Variants in AGBL4 observed in about 807,000 individuals in gnomAD.
The protein encoded by AGBL4 is AGBL carboxypeptidase 4, also known as cytosolic carboxypeptidase 6.
A neutral mutation model predicts 66.4 loss-of-function variants in AGBL4; 58 were observed. The ratio of observed to expected loss-of-function variants is 0.87; its 90% CI spans 0.71 to 1.09. The LOEUF (loss-of-function observed/expected upper bound fraction) is 1.09. Among genes scored for constraint, AGBL4 ranks in the 50% least tolerant of loss-of-function variants. The pLI, the probability that AGBL4 is intolerant of heterozygous loss-of-function variation, is 0.00. For missense variants in AGBL4, 579 were observed against 631.0 expected (o/e 0.92, Z 0.88); for synonymous variants, 234 against 222.9 (o/e 1.05, Z -0.44).
chr1:48,821,637 T>C (rs1376472661), intron 6 of AGBL4, among the ~76,000 whole-genome samples: 1 of 152,068 alleles, frequency 6.6e-6, no homozygotes, highest in Non-Finnish European at 1.5e-5. Flanking sequence ...AATGACCTGT[T>C]GGGGACAACA....
At chr1:49,814,825 G>T (rs991055302) in intron 2 of AGBL4, among the ~76,000 whole-genome samples, 5 of 152,082 alleles carry the variant, frequency 3.3e-5, no homozygotes, top group African/African-American at 1.2e-4. Context: ...TCAAAATTCT[G>T]CATAGAAACA....
At chr1:49,102,913 AAG>A (rs1189072993) in intron 4 of AGBL4, among the ~76,000 whole-genome samples, 3 of 152,278 alleles carry the variant, frequency 2.0e-5, no homozygotes, top group South Asian at 2.1e-4. Context: ...CTGAAGGACA[AAG>A]AGAGATTTTT....
chr1:48,944,573 C>T (rs1656297701), intron 5 of AGBL4, among the ~76,000 whole-genome samples: 1 of 152,068 alleles, frequency 6.6e-6, no homozygotes, highest in Admixed American at 6.5e-5. Context: ...CAAGTAGCAA[C>T]TAATAGATAC....
intron 6 of AGBL4, among the ~76,000 whole-genome samples, chr1:48,761,985 C>T (rs1644277231): frequency 6.6e-6 from 1 of 152,134 alleles, no homozygotes; most frequent in Admixed American, 6.5e-5. Context: ...TGACATAAGG[C>T]AGGCTGAGGT....
chr1:49,833,033 A>G (rs1460756228), intron 2 of AGBL4, among the ~76,000 whole-genome samples: 3 of 151,810 alleles, frequency 2.0e-5, no homozygotes, highest in African/African-American at 7.3e-5. Flanking sequence ...TTTTGTTGCC[A>G]TTGCTTTTGG....
chr1:48,849,695 G>A (rs1030545698), intron 6 of AGBL4, among the ~76,000 whole-genome samples: 28 of 152,294 alleles, frequency 1.8e-4, no homozygotes, highest in African/African-American at 6.5e-4. Flanking sequence ...TTTTGAGACT[G>A]GGGGCGGTGG....
chr1:48,990,132 A>G (rs1393277680), intron 5 of AGBL4, among the ~76,000 whole-genome samples: 1 of 152,142 alleles, frequency 6.6e-6, no homozygotes, highest in Non-Finnish European at 1.5e-5. Context: ...CTAATAATCA[A>G]TGATGTTGAG....
At chr1:49,988,069 C>CT (rs1445119022) in intron 1 of AGBL4, among the ~76,000 whole-genome samples, 1 of 151,872 alleles carries the variant, frequency 6.6e-6, no homozygotes, top group Admixed American at 6.6e-5. Context: ...AAGTATAATC[C>CT]TTTGCTATAT....
chr1:48,841,668 G>C (rs1646806197), intron 6 of AGBL4, among the ~76,000 whole-genome samples: 1 of 151,858 alleles, frequency 6.6e-6, no homozygotes, highest in South Asian at 2.1e-4. Flanking sequence ...GGCAAAAAGG[G>C]GCCTCCATAA....
intron 11 of AGBL4, among the ~76,000 whole-genome samples, chr1:48,542,149 T>C (rs1644083477): frequency 1.3e-5 from 2 of 152,236 alleles, no homozygotes; most frequent in Non-Finnish European, 1.5e-5. Flanking sequence ...GCTTCATCCA[T>C]GTCCCTGCAA....
Position 49,996,220 on chromosome 1 carries a change from T to A in AGBL4, c.34+27543A>T, listed in dbSNP as rs1478926237. On this transcript the variant is annotated intron_variant, in intron 1 of 13. Transcript: ENST00000371839. ...AATGGATCAAAACCAAGAAAAAAAATCTCTGAATTGCCGGAAAAAGAATCA... is the reference window on the plus strand; with the variant it reads ...AATGGATCAAAACCAAGAAAAAAAAACTCTGAATTGCCGGAAAAAGAATCA... The A allele has an allele frequency of 4.0e-5, 6 of 151,316 alleles. No homozygotes were observed. The East Asian group carries it at 1.2e-3, about 29-fold the overall frequency. 9.4% of individuals were successfully genotyped at this position (151,316 alleles called of 1,614,324 possible).
chr1:48,633,688 T>C (rs1172904183), intron 9 of AGBL4, among the ~76,000 whole-genome samples: 2 of 152,192 alleles, frequency 1.3e-5, no homozygotes, highest in African/African-American at 4.8e-5. Context: ...GTCCCCCCAT[T>C]CTGCGATAGC....
At chr1:48,877,544 T>G (rs1352316980) in intron 5 of AGBL4, among the ~76,000 whole-genome samples, 1 of 152,010 alleles carries the variant, frequency 6.6e-6, no homozygotes, top group Non-Finnish European at 1.5e-5. Flanking sequence ...AAAAAAAGAA[T>G]TTGAAGATCT....
chr1:49,975,134 G>A (rs988442608), intron 1 of AGBL4, among the ~76,000 whole-genome samples: 1 of 152,052 alleles, frequency 6.6e-6, no homozygotes, highest in African/African-American at 2.4e-5. Flanking sequence ...CTATTCTAAA[G>A]CATATTTACA....
At chr1:48,875,710 C>T (rs1193065427) in intron 5 of AGBL4, among the ~76,000 whole-genome samples, 1 of 152,308 alleles carries the variant, frequency 6.6e-6, no homozygotes, top group African/African-American at 2.4e-5. Context: ...ACTGCAAAGA[C>T]AATTTGCAAG....
intron 4 of AGBL4, among the ~76,000 whole-genome samples, chr1:49,170,045 T>C (rs1269700533): frequency 1.3e-5 from 2 of 151,796 alleles, no homozygotes. Flanking sequence ...TGTACACAAC[T>C]CACGTGATGG....
intron 1 of AGBL4, among the ~76,000 whole-genome samples, chr1:50,023,360 G>A (rs1052095628): frequency 5.9e-5 from 9 of 151,860 alleles, no homozygotes; most frequent in African/African-American, 1.7e-4. Context: ...CTCCCACCCC[G>A]AGCCCAAATC....
intron 4 of AGBL4, among the ~76,000 whole-genome samples, chr1:49,067,744 G>A (rs1281363617): frequency 6.6e-6 from 1 of 151,462 alleles, no homozygotes; most frequent in African/African-American, 2.4e-5. Flanking sequence ...TCCTTCATAG[G>A]CTCACTTTAT....
chr1:48,807,519 T>A (rs983005960), intron 6 of AGBL4, among the ~76,000 whole-genome samples: 11 of 152,128 alleles, frequency 7.2e-5, no homozygotes, highest in Non-Finnish European at 1.5e-5. Flanking sequence ...TGCACGAGCC[T>A]CCCTGTGAGA....
Sources: allele counts gnomAD v4.1 joint callset (sites outside exome capture counted in the v4.1 genomes callset), GRCh38; gene constraint gnomAD v4.1.1; transcripts MANE v1.5; gene names NCBI Gene and HGNC (gene_info 2026-07-23, HGNC 2026-07-21).